ROBO2: variants seen among roughly 807,000 people sequenced by gnomAD.
ROBO2 encodes the protein roundabout guidance receptor 2.
ROBO2 carries 53 observed loss-of-function variants against 160.8 expected under a neutral mutation model. The observed-to-expected ratio is 0.33, with a 90% CI of 0.26 to 0.41. ROBO2 has a LOEUF of 0.41. ROBO2 is among the 10% of genes least tolerant of loss of function. The pLI, the probability that ROBO2 is intolerant of heterozygous loss-of-function variation, is 1.00. For synonymous variants in ROBO2, 664 were observed against 611.7 expected (o/e 1.09, Z -1.26); for missense variants, 1,577 against 1,722.4 (o/e 0.92, Z 1.49).
intron 2 of ROBO2, among the ~76,000 whole-genome samples, chr3:76,299,620 A>G (rs1032208211): frequency 3.9e-5 from 6 of 152,270 alleles, no homozygotes; most frequent in African/African-American, 1.2e-4. Flanking sequence ...TGAAAAGACT[A>G]TTGTGTCCAC....
intron 2 of ROBO2, among the ~76,000 whole-genome samples, chr3:76,031,029 C>G (rs886107421): frequency 6.6e-6 from 1 of 152,022 alleles, no homozygotes; most frequent in African/African-American, 2.4e-5. Context: ...TGTTTGTGTC[C>G]TCTTTTATTT....
intron 2 of ROBO2, among the ~76,000 whole-genome samples, chr3:76,003,742 T>G (rs561128866): frequency 1.3e-5 from 2 of 152,342 alleles, no homozygotes; most frequent in South Asian, 4.1e-4. Context: ...TTTTAGCATT[T>G]CTGGGTTTTG....
chr3:76,241,394 A>G (rs748740456), intron 2 of ROBO2, among the ~76,000 whole-genome samples: 3 of 152,240 alleles, frequency 2.0e-5, no homozygotes, highest in Non-Finnish European at 2.9e-5. Context: ...CTTACTGGTC[A>G]TTTGCTATGT....
intron 2 of ROBO2, among the ~76,000 whole-genome samples, chr3:76,451,184 C>T (rs1182715403): frequency 6.6e-6 from 1 of 152,142 alleles, no homozygotes; most frequent in Non-Finnish European, 1.5e-5. Flanking sequence ...GTGGGCTAGT[C>T]ACGTGGACTC....
chr3:76,685,193 T>G (rs1201808355), intron 2 of ROBO2, among the ~76,000 whole-genome samples: 4 of 44,450 alleles, frequency 9.0e-5, no homozygotes, highest in African/African-American at 2.1e-4. Flanking sequence ...GTTGGTTGTG[T>G]TTTTTTTTTT....
intron 2 of ROBO2, among the ~76,000 whole-genome samples, chr3:77,123,282 G>T (rs1442575126): frequency 6.6e-6 from 1 of 152,100 alleles, no homozygotes; most frequent in Non-Finnish European, 1.5e-5. Flanking sequence ...AAAGGAACCA[G>T]ACCTTATCAC....
chr3:77,035,981 C>CA (rs1187830603), upstream of ROBO2, among the ~76,000 whole-genome samples: 1 of 151,904 alleles, frequency 6.6e-6, no homozygotes, highest in African/African-American at 2.4e-5. Flanking sequence ...AAATTGATTA[C>CA]ATATTTCTGT....
chr3:77,013,511 T>C (rs1232334299), intron 2 of ROBO2, among the ~76,000 whole-genome samples: 1 of 152,126 alleles, frequency 6.6e-6, no homozygotes, highest in Non-Finnish European at 1.5e-5. Flanking sequence ...TCAAAAACAG[T>C]GCAACCCAAT....
At position 76,544,588 on chromosome 3, in the gene ROBO2, C is replaced by A. The variant is rs2082993886; in HGVS notation, c.110-553426C>A. 2.6e-5 allele frequency among the ~76,000 whole-genome samples: 4 copies of A among 151,956 alleles called. No homozygotes were observed. In the South Asian group the frequency reaches 8.3e-4, roughly 32 times the overall value. ...TATGACTTTATGTAGTTTTAAAATA[C>A]CCATATTTGTAGACTAGTTCTGTCC... On this transcript the variant is annotated intron_variant, in intron 2 of 26. Coordinates refer to the ROBO2 transcript ENST00000487694.
At chr3:76,014,603 T>G (rs595047) in intron 2 of ROBO2, among the ~76,000 whole-genome samples, 100,020 of 131,444 alleles carry the variant, frequency 0.76, 38,590 homozygotes, top group South Asian at 0.89. Context: ...CATGATAGCT[T>G]ATGCATGTAA....
chr3:77,072,173 G>A (rs1327633884), intron 1 of ROBO2, among the ~76,000 whole-genome samples: 1 of 152,108 alleles, frequency 6.6e-6, no homozygotes, highest in East Asian at 1.9e-4. Context: ...TGCTGCCTAT[G>A]AGAACCTAAT....
intron 2 of ROBO2, among the ~76,000 whole-genome samples, chr3:76,125,406 T>A (rs116579185): frequency 6.1e-4 from 93 of 152,278 alleles, no homozygotes; most frequent in African/African-American, 2.2e-3. Flanking sequence ...CTTTAAGTTC[T>A]TTGAGAAATC....
intron 2 of ROBO2, among the ~76,000 whole-genome samples, chr3:76,345,309 C>CT (rs112449041): frequency 4.0e-5 from 6 of 151,800 alleles, no homozygotes; most frequent in African/African-American, 7.3e-5. Flanking sequence ...TATTTGCACA[C>CT]TTTTTTTTCT....
chr3:76,859,819 C>T (rs2070546901), intron 2 of ROBO2, among the ~76,000 whole-genome samples: 1 of 152,150 alleles, frequency 6.6e-6, no homozygotes. Context: ...TCCTCTAGGC[C>T]ACTTCCTTTG....
At chr3:76,010,481 A>G (rs561132632) in intron 2 of ROBO2, among the ~76,000 whole-genome samples, 3 of 152,322 alleles carry the variant, frequency 2.0e-5, no homozygotes, top group South Asian at 4.1e-4. Flanking sequence ...GTTAGCATTC[A>G]TGACCTTCAA....
intron 2 of ROBO2, among the ~76,000 whole-genome samples, chr3:76,018,643 G>A (rs1001587937): frequency 6.6e-6 from 1 of 151,568 alleles, no homozygotes; most frequent in Non-Finnish European, 1.5e-5. Context: ...AAACTTAATT[G>A]TGTTGTGCTT....
rs3040068 is a variant in ROBO2, at chr3:76,787,329, C to CACACAG, written c.110-310680_110-310679insGACACA. The stretch of plus-strand genomic sequence containing the variant: ...TTCCAGTCATTAAATGTAAACACAC[C>CACACAG]ACACACACACACACACACACACACA... On this transcript the variant is annotated intron_variant, in intron 2 of 26. Transcript: ENST00000487694. 7.4e-3 allele frequency among the ~76,000 whole-genome samples: 123 copies of CACACAG among 16,524 alleles called. No homozygotes were observed. The South Asian group carries it at 0.075, about 10-fold the overall frequency. The allele number at this position is 16,524 out of a possible 152,430, so 10.8% of individuals were successfully genotyped here.
At chr3:76,146,402 C>G (rs987987152) in intron 2 of ROBO2, among the ~76,000 whole-genome samples, 3 of 151,944 alleles carry the variant, frequency 2.0e-5, no homozygotes, top group African/African-American at 7.2e-5. Flanking sequence ...CTACTCATTT[C>G]TCAAGGTCCT....
In ROBO2 at chr3:76,242,391, G is replaced by C. The variant is rs560971572; in HGVS notation, c.109+304789G>C. On this transcript the variant is annotated intron_variant, in intron 2 of 26. Coordinates refer to the ROBO2 transcript ENST00000487694. ...ACTATTATAATATTAGATACAAAAG[G>C]CTGGCTTCTTTATGTCAAAGTAGGA... is the stretch of plus-strand genomic sequence containing the variant. Among the ~76,000 whole-genome samples, 207 of 152,236 alleles carry C rather than the reference G, an allele frequency of 1.4e-3. 1 individual carries two copies. Among genetic ancestry groups the C allele is most frequent in the African/African-American group, 4.9e-3 (202 of 41,546 alleles).
Sources: allele counts gnomAD v4.1 joint callset (sites outside exome capture counted in the v4.1 genomes callset), GRCh38; gene constraint gnomAD v4.1.1; transcripts MANE v1.5; gene names NCBI Gene and HGNC (gene_info 2026-07-23, HGNC 2026-07-21).